EPHA6: variants seen among roughly 807,000 people sequenced by gnomAD.
EPHA6 encodes the protein ephrin type-A receptor 6.
Under a neutral mutation model 112.0 loss-of-function variants are expected in EPHA6, and 50 were observed. The observed-to-expected ratio is 0.45, with a 90% CI of 0.36 to 0.56. The LOEUF is 0.56. Ranked by LOEUF, EPHA6 falls within the 20% of genes least tolerant of loss-of-function variation. The pLI, the probability that EPHA6 is intolerant of heterozygous loss-of-function variation, is 0.00. For synonymous variants in EPHA6, 529 were observed against 490.7 expected, an observed-to-expected ratio of 1.08 and a Z score of -1.03; for missense variants, 1,280 against 1,417.4, an observed-to-expected ratio of 0.90 and a Z score of 1.56.
chr3:97,645,439 C>G (rs894258501), intron 14 of EPHA6, among the ~76,000 whole-genome samples: 1 of 142,506 alleles, frequency 7.0e-6, no homozygotes, highest in African/African-American at 2.6e-5. Context: ...ACCGCATATT[C>G]TCACTCATAG....
At chr3:96,842,017 G>A (rs926175794) in intron 1 of EPHA6, among the ~76,000 whole-genome samples, 1 of 152,116 alleles carries the variant, frequency 6.6e-6, no homozygotes, top group African/African-American at 2.4e-5. Context: ...CTTATATCAT[G>A]CACCTGTGTT....
intron 2 of EPHA6, among the ~76,000 whole-genome samples, chr3:96,878,904 A>G (rs1321771068): frequency 6.8e-6 from 1 of 147,862 alleles, no homozygotes; most frequent in Non-Finnish European, 1.5e-5. Context: ...AATATTTAAC[A>G]TTAGTTGATA....
chr3:97,670,657 T>A (rs2030717590), intron 14 of EPHA6, among the ~76,000 whole-genome samples: 1 of 152,174 alleles, frequency 6.6e-6, no homozygotes, highest in African/African-American at 2.4e-5. Context: ...GGACAAAGCA[T>A]GGGATTCATA....
intron 11 of EPHA6, among the ~76,000 whole-genome samples, chr3:97,591,295 A>G (rs142512815): frequency 2.2e-4 from 33 of 152,326 alleles, no homozygotes; most frequent in African/African-American, 7.7e-4. Flanking sequence ...AACGTTCTCC[A>G]TGGAAACAAG....
chr3:96,892,165 A>G (rs1462733945), intron 2 of EPHA6, among the ~76,000 whole-genome samples: 2 of 152,190 alleles, frequency 1.3e-5, no homozygotes, highest in Non-Finnish European at 2.9e-5. Context: ...GGAGGCAGAG[A>G]ATACACACAC....
chr3:96,985,848 A>T (rs576686451), intron 2 of EPHA6, among the ~76,000 whole-genome samples: 5 of 152,306 alleles, frequency 3.3e-5, no homozygotes, highest in African/African-American at 1.2e-4. Context: ...TAGAAACTAT[A>T]CTATACTAGT....
At chr3:97,135,764 A>T (rs994207550) in intron 3 of EPHA6, among the ~76,000 whole-genome samples, 1 of 151,776 alleles carries the variant, frequency 6.6e-6, no homozygotes, top group Non-Finnish European at 1.5e-5. Flanking sequence ...AAGCCAAAAA[A>T]GGCCCACAGA....
chr3:96,861,639 A>G (rs528321809), intron 1 of EPHA6, among the ~76,000 whole-genome samples: 3 of 151,970 alleles, frequency 2.0e-5, no homozygotes, highest in Non-Finnish European at 4.4e-5. Context: ...TAGAATTTCC[A>G]ATCTCAGATG....
chr3:96,911,815 A>C (rs1252763402), intron 2 of EPHA6, among the ~76,000 whole-genome samples: 1 of 152,064 alleles, frequency 6.6e-6, no homozygotes, highest in Non-Finnish European at 1.5e-5. Flanking sequence ...ATTTTTAAAA[A>C]ACTTTAAATA....
intron 3 of EPHA6, among the ~76,000 whole-genome samples, chr3:97,160,443 A>AT (rs1043776817): frequency 4.8e-4 from 72 of 149,194 alleles, no homozygotes; most frequent in African/African-American, 8.9e-4. Context: ...TGCCTGGCTA[A>AT]TTTTTTTTTT....
At chr3:96,991,078 C>T (rs1036529632) in intron 3 of EPHA6, among the ~76,000 whole-genome samples, 11 of 152,152 alleles carry the variant, frequency 7.2e-5, no homozygotes, top group South Asian at 2.1e-4. Flanking sequence ...CAATCTTGAA[C>T]TCCTAGGTTC....
chr3:96,830,376 T>C (rs1185487935), intron 1 of EPHA6, among the ~76,000 whole-genome samples: 1 of 152,020 alleles, frequency 6.6e-6, no homozygotes, highest in Non-Finnish European at 1.5e-5. Flanking sequence ...AAAAAGAAAA[T>C]ACCAAATACT....
chr3:97,419,904 G>GAGAAA (rs2088474168), intron 6 of EPHA6, among the ~76,000 whole-genome samples: 1 of 151,928 alleles, frequency 6.6e-6, no homozygotes, highest in Non-Finnish European at 1.5e-5. Flanking sequence ...CTGGGAAGCC[G>GAGAAA]CTAGAAATCA....
chr3:97,324,648 C>T (rs2082332169), intron 5 of EPHA6, among the ~76,000 whole-genome samples: 1 of 151,898 alleles, frequency 6.6e-6, no homozygotes, highest in African/African-American at 2.4e-5. Flanking sequence ...AAGCAGTTCT[C>T]CTGCCTCAGC....
chr3:97,342,970 A>G (rs2083383639), intron 5 of EPHA6, among the ~76,000 whole-genome samples: 1 of 152,214 alleles, frequency 6.6e-6, no homozygotes, highest in Non-Finnish European at 1.5e-5. Flanking sequence ...ATAAATATGT[A>G]AAACTGTGGA....
At chr3:97,604,870 G>A (rs531374956) in intron 12 of EPHA6, among the ~76,000 whole-genome samples, 1 of 151,630 alleles carries the variant, frequency 6.6e-6, no homozygotes, top group African/African-American at 2.4e-5. Flanking sequence ...GTCTGCAATT[G>A]TTCTTGGAGA....
chr3:97,232,777 A>G (rs2078565955), intron 4 of EPHA6, among the ~76,000 whole-genome samples: 1 of 152,156 alleles, frequency 6.6e-6, no homozygotes, highest in Non-Finnish European at 1.5e-5. Context: ...ACTTGAGGTT[A>G]TATACATTGG....
At chr3:97,267,168 T>C (rs1196097401) in intron 5 of EPHA6, among the ~76,000 whole-genome samples, 3 of 152,118 alleles carry the variant, frequency 2.0e-5, no homozygotes, top group African/African-American at 2.4e-5. Context: ...TTCTGCTGAG[T>C]TGAAAAAGTA....
Position 97,592,620 on chromosome 3 carries a change from C to T in EPHA6, c.2395C>T (p.Pro799Ser), listed in dbSNP as rs755110898. ...LEGVVTKRSFPAIGVEAFCPS... is the reference protein window; with the variant it reads ...LEGVVTKRSFSAIGVEAFCPS... ...TTTTTATCTCTTAAAAGGATCCTTC[C>T]CGGCCATTGGGGTGGAGGCGTTTTG... The change falls in exon 12 of 18, where the codon CCG (proline) becomes TCG (serine). Residue 799 changes from proline to serine, a missense_variant. Pro to Ser is a moderately conservative substitution (Grantham distance 74). Coordinates refer to ENST00000389672, the MANE Select transcript of EPHA6 (RefSeq NM_001080448.3). 7.4e-6 allele frequency: 12 copies of T among 1,612,832 alleles called. No homozygotes were observed. The East Asian group carries it at 1.8e-4, about 24-fold the overall frequency.
Sources: gnomAD v4.1 joint callset for allele counts (sites outside exome capture counted in the v4.1 genomes callset) on GRCh38, gnomAD v4.1.1 for gene constraint, MANE v1.5 for transcripts, NCBI Gene and HGNC (gene_info 2026-07-23, HGNC 2026-07-21) for gene names.